SLC27A2: variants seen among roughly 807,000 people sequenced by gnomAD.
The protein encoded by SLC27A2 is solute carrier family 27 member 2, also known as long-chain fatty acid transport protein 2.
SLC27A2 carries 54 observed loss-of-function variants against 60.0 expected under a neutral mutation model. The observed-to-expected ratio is 0.90, with a 90% CI of 0.72 to 1.13. The LOEUF is 1.13. Among genes scored for constraint, SLC27A2 ranks in the 50% most tolerant of loss-of-function variants. The pLI is 0.00. For synonymous variants in SLC27A2, 297 were observed against 297.6 expected, an observed-to-expected ratio of 1.00 and a Z score of 0.02; for missense variants, 739 against 777.6, an observed-to-expected ratio of 0.95 and a Z score of 0.59.
chr15:50,185,037 C>T (rs1488296438), intron 1 of SLC27A2, among the ~76,000 whole-genome samples: 1 of 152,154 alleles, frequency 6.6e-6, no homozygotes, highest in Non-Finnish European at 1.5e-5. Context: ...ATCTTTGTAC[C>T]ACTTCAGGAA....
rs181676401 is a variant in SLC27A2, at chr15:50,219,868, G to A, written c.973-3097G>A. On this transcript the variant is annotated intron_variant, in intron 4 of 9. Transcript: ENST00000267842. ...TGTTTCACCTTAGCTCTAATGTGAC[G>A]AAGAAGGTTTTTTTCTTGTTTAAAA... Among the ~76,000 whole-genome samples the A allele has an allele frequency of 2.4e-4, 37 of 152,164 alleles. No homozygotes were observed. The South Asian group carries it at 2.5e-3, about 10-fold the overall frequency.
Position 50,235,772 on chromosome 15 carries a change from CTTTAT to C in SLC27A2, c.1687-143_1687-139del, listed in dbSNP as rs143583183. On this transcript the variant is annotated intron_variant, in intron 9 of 9. Coordinates refer to ENST00000267842, the MANE Select transcript of SLC27A2 (RefSeq NM_003645.4). ...TTTAAAAATAAATTAAAATGGAAAA[CTTTAT>C]TTTAACTTTCACTTCCCAGCTCTCA... is the stretch of plus-strand genomic sequence containing the variant. The C allele has an allele frequency of 1.6e-3, 856 of 548,656 alleles. 2 individuals carry two copies. The highest frequency in any genetic ancestry group is 9.1e-3 in the East Asian group (310 of 33,944). The allele number at this position is 548,656 out of a possible 1,614,324, so 34.0% of individuals were successfully genotyped here.
chr15:50,205,652 T>C (rs2045106647), intron 4 of SLC27A2, among the ~76,000 whole-genome samples: 1 of 152,128 alleles, frequency 6.6e-6, no homozygotes, highest in Non-Finnish European at 1.5e-5. Context: ...TAAAAGCCAG[T>C]GTCAAAGCCC....
intron 4 of SLC27A2, among the ~76,000 whole-genome samples, chr15:50,210,259 A>T (rs1267876959): frequency 6.6e-6 from 1 of 152,082 alleles, no homozygotes; most frequent in African/African-American, 2.4e-5. Flanking sequence ...GGACCCACAG[A>T]CCCTCTGAAA....
At chr15:50,210,870 C>T (rs547184558) in intron 4 of SLC27A2, among the ~76,000 whole-genome samples, 1 of 152,160 alleles carries the variant, frequency 6.6e-6, no homozygotes, top group Admixed American at 6.5e-5. Flanking sequence ...AACTTTCCCC[C>T]ACTTCCCTGA....
In SLC27A2 at chr15:50,223,136, G is replaced by C; in HGVS notation, c.1144G>C (p.Gly382Arg). ...MNYARKVGAV[G>R]RVNYLQKKII... ...TTATGCGAGAAAAGTTGGTGCTGTT[G>C]GAAGAGTAAACTACCTACAGAAAGT... Residue 382 changes from glycine (G) to arginine (R), a missense_variant, in exon 5 of 10, where the codon GGA (glycine) becomes CGA (arginine). Gly to Arg is a moderately radical substitution (Grantham distance 125, BLOSUM62 -2). Transcript: ENST00000267842. The C allele has an allele frequency of 1.2e-6, 2 of 1,613,356 alleles. No individual in the cohort carries two copies. The highest frequency in any genetic ancestry group is 8.5e-7 in the Non-Finnish European group (1 of 1,179,638).
chr15:50,183,632 G>A (rs2044891403), intron 1 of SLC27A2, among the ~76,000 whole-genome samples: 1 of 152,172 alleles, frequency 6.6e-6, no homozygotes, highest in African/African-American at 2.4e-5. Context: ...CTTAAGTGAT[G>A]ACAAGGTCAG....
intron 3 of SLC27A2, among the ~76,000 whole-genome samples, chr15:50,204,770 A>AAT (rs1014903557): frequency 4.0e-5 from 6 of 149,602 alleles, no homozygotes; most frequent in Non-Finnish European, 7.4e-5. Flanking sequence ...CTCTGTCTCA[A>AAT]ATATATATAT....
At chr15:50,232,549 G>A (rs1318603060) in intron 8 of SLC27A2, among the ~76,000 whole-genome samples, 1 of 152,110 alleles carries the variant, frequency 6.6e-6, no homozygotes, top group Non-Finnish European at 1.5e-5. Flanking sequence ...CATTCCCCCT[G>A]AAGCTGAACT....
chr15:50,233,778 A>G, intron 8 of SLC27A2, 90 bp from the exon 9 acceptor site: 1 of 1,192,402 alleles, frequency 8.4e-7, no homozygotes, highest in Non-Finnish European at 1.1e-6. Flanking sequence ...AACCCATGCT[A>G]TAAATGTTGT....
At chr15:50,222,857 G>A (rs2045252998) in intron 4 of SLC27A2, 108 bp from the exon 5 acceptor site, 3 of 904,320 alleles carry the variant, frequency 3.3e-6, no homozygotes, top group Non-Finnish European at 5.0e-6. Flanking sequence ...TGTAATAAAG[G>A]CAATGTCAGT....
chr15:50,200,263 C>CA (rs1178232251), intron 2 of SLC27A2, among the ~76,000 whole-genome samples: 1 of 151,968 alleles, frequency 6.6e-6, no homozygotes, highest in African/African-American at 2.4e-5. Flanking sequence ...CTTGTCTCTA[C>CA]AAAAAATATA....
chr15:50,183,793 G>A (rs1383515887), intron 1 of SLC27A2, among the ~76,000 whole-genome samples: 1 of 152,078 alleles, frequency 6.6e-6, no homozygotes, highest in Non-Finnish European at 1.5e-5. Flanking sequence ...GGGTGACAGG[G>A]TAGGGGTCGA....
chr15:50,219,077 T>C (rs1219877755), intron 4 of SLC27A2, among the ~76,000 whole-genome samples: 1 of 152,234 alleles, frequency 6.6e-6, no homozygotes, highest in Non-Finnish European at 1.5e-5. Context: ...TGTTGTATTA[T>C]GGGCAGAATA....
chr15:50,219,228 A>G (rs2045225871), intron 4 of SLC27A2, among the ~76,000 whole-genome samples: 1 of 152,206 alleles, frequency 6.6e-6, no homozygotes, highest in Admixed American at 6.5e-5. Context: ...TAAGCATTTA[A>G]TTTAGAATTT....
intron 1 of SLC27A2, among the ~76,000 whole-genome samples, chr15:50,184,664 C>T (rs962794008): frequency 2.6e-5 from 4 of 151,718 alleles, no homozygotes; most frequent in African/African-American, 9.7e-5. Flanking sequence ...AGCAAAAACC[C>T]CGTCTCGACT....
At chr15:50,226,308 T>C (rs1328549535) in intron 6 of SLC27A2, among the ~76,000 whole-genome samples, 1 of 152,234 alleles carries the variant, frequency 6.6e-6, no homozygotes, top group Non-Finnish European at 1.5e-5. Context: ...TATGAGGTAA[T>C]GTTTTGTGGG....
At chr15:50,190,058 C>T (rs569244121) in intron 1 of SLC27A2, among the ~76,000 whole-genome samples, 6 of 152,196 alleles carry the variant, frequency 3.9e-5, no homozygotes, top group East Asian at 3.9e-4. Flanking sequence ...TTATGACCTC[C>T]GGGTGATTTG....
intron 8 of SLC27A2, among the ~76,000 whole-genome samples, chr15:50,229,245 TCAGCTCC>T (rs2140914057): frequency 6.6e-6 from 1 of 152,336 alleles, no homozygotes; most frequent in South Asian, 2.1e-4. Context: ...TCTCTTCATT[TCAGCTCC>T]CAGCCATTCT....
Sources: allele counts gnomAD v4.1 joint callset (sites outside exome capture counted in the v4.1 genomes callset), GRCh38; gene constraint gnomAD v4.1.1; transcripts MANE v1.5; gene names NCBI Gene and HGNC (gene_info 2026-07-23, HGNC 2026-07-21).